Variants in DLG5 observed in about 807,000 individuals in gnomAD.
DLG5 encodes the protein disks large homolog 5.
Under a neutral mutation model 189.8 loss-of-function variants are expected in DLG5, and 48 were observed. The ratio of observed to expected loss-of-function variants is 0.25; its 90% confidence interval spans 0.20 to 0.32. The LOEUF is 0.32. Among genes scored for constraint, DLG5 ranks in the 10% least tolerant of loss-of-function variants. The pLI is 1.00. For missense variants in DLG5, 2,160 were observed against 2,544.7 expected, an observed-to-expected ratio of 0.85 and a Z score of 3.25; for synonymous variants, 1,016 against 1,054.1, an observed-to-expected ratio of 0.96 and a Z score of 0.70.
At position 77,926,688 on chromosome 10, in the gene DLG5, G is replaced by T. The variant is rs186011322; in HGVS notation, c.-168C>A. 6.7e-6 allele frequency among the ~76,000 whole-genome samples: 1 copy of T among 149,990 alleles called. No homozygotes were observed. Among genetic ancestry groups the T allele is most frequent in the Non-Finnish European group, 1.5e-5 (1 of 67,174 alleles). On this transcript the variant is annotated 5_prime_UTR_variant, in exon 1 of 32. Coordinates refer to ENST00000372391, the MANE Select transcript of DLG5 (RefSeq NM_004747.4). The surrounding 1 kb of genome is among the most constrained non-coding windows in gnomAD (Gnocchi z 5.2). ...GGCTGGGGGCCCGGGGCGGCGGGCGGCGCTCAGCAGCGGCCGCCTCCCGGG... is the reference window on the plus strand; with the variant it reads ...GGCTGGGGGCCCGGGGCGGCGGGCGTCGCTCAGCAGCGGCCGCCTCCCGGG...
intron 1 of DLG5, among the ~76,000 whole-genome samples, chr10:77,900,165 C>G (rs1158846409): frequency 6.6e-6 from 1 of 152,126 alleles, no homozygotes; most frequent in Non-Finnish European, 1.5e-5. Context: ...CACTAGGCAA[C>G]TTACCTAAGC....
intron 1 of DLG5, among the ~76,000 whole-genome samples, chr10:77,890,829 G>T (rs1349709917): frequency 6.6e-6 from 1 of 152,080 alleles, no homozygotes; most frequent in Non-Finnish European, 1.5e-5. Flanking sequence ...TGAGCTTCCA[G>T]GAGTCCCCAG....
chr10:77,814,636 G>A (rs1008898511), intron 20 of DLG5, among the ~76,000 whole-genome samples: 11 of 151,486 alleles, frequency 7.3e-5, no homozygotes, highest in Non-Finnish European at 1.5e-4. Flanking sequence ...GTGCAGTGGC[G>A]CAATCTCAGC....
chr10:77,914,224 G>A (rs1242000600), intron 1 of DLG5, among the ~76,000 whole-genome samples: 2 of 152,178 alleles, frequency 1.3e-5, no homozygotes, highest in Non-Finnish European at 2.9e-5. Flanking sequence ...GAGAAGCATG[G>A]GCCTCCTCGT....
intron 1 of DLG5, among the ~76,000 whole-genome samples, chr10:77,915,148 G>A (rs1224017432): frequency 6.6e-6 from 1 of 151,962 alleles, no homozygotes; most frequent in African/African-American, 2.4e-5. Context: ...CCAAGAGAGT[G>A]AAACCCCATC....
At chr10:77,812,779 G>T (rs1841846828) in intron 20 of DLG5, among the ~76,000 whole-genome samples, 1 of 152,202 alleles carries the variant, frequency 6.6e-6, no homozygotes, top group Admixed American at 6.5e-5. Context: ...CCATCCTAAG[G>T]GGGCAACAGA....
chr10:77,866,164 C>A (rs1844674105), intron 2 of DLG5, among the ~76,000 whole-genome samples: 1 of 152,184 alleles, frequency 6.6e-6, no homozygotes, highest in South Asian at 2.1e-4. Context: ...AACTCCCTGG[C>A]AGGTGCTAGA....
chr10:77,849,770 T>C (rs1843873967), intron 5 of DLG5, among the ~76,000 whole-genome samples: 1 of 152,256 alleles, frequency 6.6e-6, no homozygotes, highest in Admixed American at 6.5e-5. Flanking sequence ...TCAGTCTGAA[T>C]GTCTGTAAAG....
chr10:77,805,528 A>C (rs1435629363), intron 27 of DLG5, 137 bp downstream of exon 27: 4 of 1,003,734 alleles, frequency 4.0e-6, no homozygotes, highest in Non-Finnish European at 5.7e-6. Flanking sequence ...CCCCCGACCA[A>C]GCCGAACACA....
chr10:77,917,440 T>C (rs1218494815), intron 1 of DLG5, among the ~76,000 whole-genome samples: 2 of 149,948 alleles, frequency 1.3e-5, no homozygotes, highest in African/African-American at 2.5e-5. Flanking sequence ...CAATTGAGCA[T>C]GGGAGGTTGA....
chr10:77,829,805 G>A (rs1246233592), intron 11 of DLG5, among the ~76,000 whole-genome samples: 3 of 152,174 alleles, frequency 2.0e-5, no homozygotes, highest in Admixed American at 1.3e-4. Flanking sequence ...CAATAATCAC[G>A]CCTACCTTGT....
intron 1 of DLG5, among the ~76,000 whole-genome samples, chr10:77,893,749 C>T (rs1194971857): frequency 6.6e-6 from 1 of 152,216 alleles, no homozygotes; most frequent in Non-Finnish European, 1.5e-5. Flanking sequence ...GGCCTGTGGA[C>T]TAGAAGTCAG....
chr10:77,891,688 C>G (rs1845614053), intron 1 of DLG5, among the ~76,000 whole-genome samples: 1 of 152,134 alleles, frequency 6.6e-6, no homozygotes, highest in Non-Finnish European at 1.5e-5. Flanking sequence ...ACACATCACT[C>G]CCACAGGACA....
chr10:77,936,180 C>T, the DLG5 span, among the ~76,000 whole-genome samples: 427 of 152,296 alleles, frequency 2.8e-3, 1 homozygote, highest in African/African-American at 9.8e-3. Context: ...TGGCTCATGC[C>T]TGTAATCCCA....
At chr10:77,930,631 G>A (rs574821232), upstream of DLG5, among the ~76,000 whole-genome samples, 2 of 150,744 alleles carry the variant, frequency 1.3e-5, no homozygotes, top group East Asian at 4.0e-4. Context: ...TTACAGGCAT[G>A]AGCCACCAAG....
In DLG5 at chr10:77,906,264, T is replaced by C. The variant is rs529285592; in HGVS notation, c.304+19953A>G. ...GTTCCTGCATCCCCACACCCACTGC[T>C]GATAGGCAGCATCCAGCTTTCTAGT... On this transcript the variant is annotated intron_variant, in intron 1 of 31. Transcript: ENST00000372391. Among the ~76,000 whole-genome samples the C allele has an allele frequency of 6.6e-5, 10 of 152,316 alleles. No homozygotes were observed. In the East Asian group the frequency reaches 1.4e-3, roughly 21 times the overall value.
At chr10:77,867,691 C>T (rs976576040) in intron 2 of DLG5, among the ~76,000 whole-genome samples, 16 of 152,354 alleles carry the variant, frequency 1.1e-4, no homozygotes, top group African/African-American at 3.8e-4. Context: ...CCAAAAGATG[C>T]TAAAGTCCCA....
chr10:77,893,658 G>A (rs577999518), intron 1 of DLG5, among the ~76,000 whole-genome samples: 3 of 152,346 alleles, frequency 2.0e-5, no homozygotes, highest in South Asian at 2.1e-4. Context: ...TGCTCTGGAC[G>A]GTCCCGTGCT....
chr10:77,816,265 G>A, intron 20 of DLG5: 1 of 663,104 alleles, frequency 1.5e-6, no homozygotes, highest in South Asian at 1.5e-5. Context: ...CTTGAACAAG[G>A]GCCCAGGAAG....
Sources: allele counts gnomAD v4.1 joint callset (sites outside exome capture counted in the v4.1 genomes callset), GRCh38; gene constraint gnomAD v4.1.1; non-coding constraint Gnocchi (gnomAD v3.1); transcripts MANE v1.5; gene names NCBI Gene and HGNC (gene_info 2026-07-23, HGNC 2026-07-21).